The following PLXDC2 variants were observed in gnomAD, a reference collection of about 807,000 sequenced individuals.
PLXDC2 encodes the protein plexin domain-containing protein 2.
In PLXDC2, 40 loss-of-function variants were observed where a neutral mutation model predicts 68.9. That is an observed-to-expected ratio of 0.58 (90% CI 0.45 to 0.76). PLXDC2 has a LOEUF of 0.76. PLXDC2 is among the 30% of genes least tolerant of loss of function. The probability of loss-of-function intolerance (pLI) is 0.00; values close to 1 mark genes in which losing one functional copy is unlikely to be tolerated. For missense variants in PLXDC2, 644 were observed against 661.9 expected, an observed-to-expected ratio of 0.97 and a Z score of 0.30; for synonymous variants, 243 against 234.2, an observed-to-expected ratio of 1.04 and a Z score of -0.34.
In PLXDC2 at chr10:19,943,242, A is replaced by C. The variant is rs865883746; in HGVS notation, c.113-58533A>C. ...TTTTGCTGTTTGCTGATTTGATAGAACTTTTTTTTTTTCTTATAAGTGTTC... is the reference window on the plus strand; with the variant it reads ...TTTTGCTGTTTGCTGATTTGATAGACCTTTTTTTTTTTCTTATAAGTGTTC... On this transcript the variant is annotated intron_variant, in intron 1 of 13. Transcript: ENST00000377252. Among the ~76,000 whole-genome samples, 6 of 135,916 alleles carry C rather than the reference A, an allele frequency of 4.4e-5. No individual in the cohort carries two copies. In the Middle Eastern group the frequency reaches 0.012, roughly 270 times the overall value. The allele number at this position is 135,916 out of a possible 152,430, so 89.2% of individuals were successfully genotyped here. A position where few individuals can be genotyped will look rare whatever the true frequency, so the allele number is the denominator to read the frequency against.
intron 1 of PLXDC2, among the ~76,000 whole-genome samples, chr10:19,962,695 A>G (rs1296516696): frequency 6.9e-6 from 1 of 144,504 alleles, no homozygotes; most frequent in African/African-American, 2.5e-5. Context: ...CGGCTCAGCC[A>G]TCTTTACTTA....
Position 20,284,225 on chromosome 10 carries a change from A to G in PLXDC2, c.*4406A>G, listed in dbSNP as rs928708398. On this transcript the variant is annotated 3_prime_UTR_variant, in exon 14 of 14. Transcript: ENST00000377252. ...TGCTGCTTTTACTTCACGACCTCCA[A>G]CCCCACTTTTGTTATCAGCGTCATA... 5 of 150,412 alleles carry G rather than the reference A, an allele frequency of 3.3e-5. No homozygotes were observed. The highest frequency in any genetic ancestry group is 5.9e-5 in the Non-Finnish European group (4 of 67,782). The allele number at this position is 150,412 out of a possible 1,614,324, so 9.3% of individuals were successfully genotyped here.
Position 20,175,495 on chromosome 10 carries a change from A to C in PLXDC2, c.884-1504A>C, listed in dbSNP as rs573285577. On this transcript the variant is annotated intron_variant, in intron 7 of 13. Coordinates refer to ENST00000377252, the MANE Select transcript of PLXDC2 (RefSeq NM_032812.9). Reference sequence around the variant, plus strand: ...CCAGGGGCTCAAGATCAGCCTGGGCAACATAGCAAGACCCTGTTTCTACCA... The same window carrying C: ...CCAGGGGCTCAAGATCAGCCTGGGCCACATAGCAAGACCCTGTTTCTACCA... Among the ~76,000 whole-genome samples the C allele has an allele frequency of 2.0e-5, 3 of 151,878 alleles. No homozygotes were observed. In the South Asian group the frequency reaches 6.3e-4, roughly 32 times the overall value.
intron 9 of PLXDC2, among the ~76,000 whole-genome samples, chr10:20,178,073 A>G (rs1214121443): frequency 1.3e-5 from 2 of 152,154 alleles, no homozygotes; most frequent in Non-Finnish European, 2.9e-5. Context: ...ATATATTTTC[A>G]TAGCAAGGGT....
intron 1 of PLXDC2, among the ~76,000 whole-genome samples, chr10:19,902,742 A>T (rs566471188): frequency 6.6e-6 from 1 of 152,304 alleles, no homozygotes; most frequent in East Asian, 1.9e-4. Flanking sequence ...GAAAGTTGGC[A>T]TCCTTGTCTG....
rs1836133112 is a variant in PLXDC2 at position 20,284,979 on chromosome 10, C to T, written c.*5160C>T. 2 of 152,116 alleles carry T rather than the reference C, an allele frequency of 1.3e-5. No individual in the cohort carries two copies. The highest frequency in any genetic ancestry group is 4.8e-5 in the African/African-American group (2 of 41,438). 9.4% of individuals were successfully genotyped at this position (152,116 alleles called of 1,614,324 possible). A position where few individuals can be genotyped will look rare whatever the true frequency, so the allele number is the denominator to read the frequency against. ...TCAATTTCTCCTCTCTCCACCCCTG[C>T]CCCCATCTGTGGCCATCTAAGTTAG... On this transcript the variant is annotated 3_prime_UTR_variant, in exon 14 of 14. Transcript: ENST00000377252.
chr10:20,081,088 CA>C lies in PLXDC2; in HGVS notation c.541+12850del, dbSNP rs1415887932. On this transcript the variant is annotated intron_variant, in intron 4 of 13. Coordinates refer to ENST00000377252, the MANE Select transcript of PLXDC2 (RefSeq NM_032812.9). Reference sequence around the variant, plus strand: ...TCTGCTGGAGCAAGGGAAGAGTAATCATTGTGAAATACACCTAGAGCCTTCT... The same window carrying C: ...TCTGCTGGAGCAAGGGAAGAGTAATCTTGTGAAATACACCTAGAGCCTTCT... Among the ~76,000 whole-genome samples, 17 of 152,274 alleles carry C rather than the reference CA, an allele frequency of 1.1e-4. No homozygotes were observed. The East Asian group carries it at 3.3e-3, about 29-fold the overall frequency.
intron 1 of PLXDC2, among the ~76,000 whole-genome samples, chr10:19,976,223 TG>T (rs1218121553): frequency 6.6e-6 from 1 of 152,128 alleles, no homozygotes; most frequent in Non-Finnish European, 1.5e-5. Context: ...TGTTTTGTTT[TG>T]TTTTTTTGAG....
intron 1 of PLXDC2, among the ~76,000 whole-genome samples, chr10:19,844,797 G>A (rs112247343): frequency 1.2e-4 from 18 of 151,880 alleles, no homozygotes; most frequent in African/African-American, 4.4e-4. Flanking sequence ...TAGAGGTGAG[G>A]TCTTGCTATG....
chr10:20,065,382 C>G (rs769089943), intron 3 of PLXDC2, among the ~76,000 whole-genome samples: 2 of 151,958 alleles, frequency 1.3e-5, no homozygotes, highest in Non-Finnish European at 2.9e-5. Flanking sequence ...AAATGGAATT[C>G]TAGATTGAAT....
Position 19,816,873 on chromosome 10 carries a change from G to A in PLXDC2, c.-207G>A. On this transcript the variant is annotated 5_prime_UTR_variant, in exon 1 of 14. Transcript: ENST00000377252. ...GTGGCAAGTTGCAAAGAGAGCCTCAGAGGTCCGAAGAGCGCTGCGCTCCTA... is the reference window on the plus strand; with the variant it reads ...GTGGCAAGTTGCAAAGAGAGCCTCAAAGGTCCGAAGAGCGCTGCGCTCCTA... 1 of 591,058 alleles carries A rather than the reference G, an allele frequency of 1.7e-6. No individual in the cohort carries two copies. Among genetic ancestry groups the A allele is most frequent in the Non-Finnish European group, 3.0e-6 (1 of 332,352 alleles). 36.6% of individuals were successfully genotyped at this position (591,058 alleles called of 1,614,324 possible).
At chr10:20,127,048 T>G (rs1833802290) in intron 4 of PLXDC2, among the ~76,000 whole-genome samples, 1 of 151,540 alleles carries the variant, frequency 6.6e-6, no homozygotes, top group Admixed American at 6.6e-5. Context: ...ACCCAAAGCA[T>G]CTAAAGAAAT....
intron 4 of PLXDC2, among the ~76,000 whole-genome samples, chr10:20,126,314 A>G (rs993791809): frequency 2.7e-5 from 4 of 147,024 alleles, no homozygotes; most frequent in Non-Finnish European, 6.0e-5. Context: ...CACATACGTT[A>G]TATAATATAT....
intron 10 of PLXDC2, 143 bp downstream of exon 10, chr10:20,211,872 A>G (rs975778485): frequency 1.5e-5 from 11 of 734,434 alleles, no homozygotes; most frequent in Non-Finnish European, 2.2e-5. Flanking sequence ...ATGTCTGCAA[A>G]TATTAGGGGT....
chr10:20,134,209 T>A (rs1388709177), intron 4 of PLXDC2, among the ~76,000 whole-genome samples: 1 of 152,238 alleles, frequency 6.6e-6, no homozygotes, highest in African/African-American at 2.4e-5. Context: ...AGTTCATAGA[T>A]CTCCAATTCT....
intron 12 of PLXDC2, among the ~76,000 whole-genome samples, chr10:20,241,741 A>C (rs1835518821): frequency 1.3e-5 from 2 of 152,176 alleles, no homozygotes; most frequent in Admixed American, 6.5e-5. Context: ...ATCACACCAC[A>C]GCACTCCAGC....
At chr10:19,886,129 T>G (rs537352698) in intron 1 of PLXDC2, among the ~76,000 whole-genome samples, 25 of 152,196 alleles carry the variant, frequency 1.6e-4, no homozygotes, top group Middle Eastern at 3.4e-3. Context: ...GTGAATGGGA[T>G]TTCACTCATG....
chr10:19,859,027 AG>A (rs1837268897), intron 1 of PLXDC2, among the ~76,000 whole-genome samples: 1 of 150,840 alleles, frequency 6.6e-6, no homozygotes, highest in African/African-American at 2.5e-5. Context: ...AGCGAGAGAG[AG>A]AGAGAGAGAG....
At chr10:20,199,012 C>T (rs905945883) in intron 9 of PLXDC2, among the ~76,000 whole-genome samples, 1 of 151,926 alleles carries the variant, frequency 6.6e-6, no homozygotes, top group African/African-American at 2.4e-5. Flanking sequence ...TCATGGATAT[C>T]CTGTATTATT....
Sources: gnomAD v4.1 joint callset for allele counts (sites outside exome capture counted in the v4.1 genomes callset) on GRCh38, gnomAD v4.1.1 for gene constraint, MANE v1.5 for transcripts, NCBI Gene and HGNC (gene_info 2026-07-23, HGNC 2026-07-21) for gene names.